Variants in PLCB1 observed in about 807,000 individuals in gnomAD.
The protein encoded by PLCB1 is phospholipase C beta 1.
Under a neutral mutation model 161.8 loss-of-function variants are expected in PLCB1, and 46 were observed. The ratio of observed to expected loss-of-function variants is 0.28; its 90% CI spans 0.22 to 0.36. The LOEUF (loss-of-function observed/expected upper bound fraction) is 0.36, where lower values mean the gene tolerates loss of function less well. PLCB1 is among the 10% of genes least tolerant of loss of function. The probability of loss-of-function intolerance (pLI) is 1.00; values close to 1 mark genes in which losing one functional copy is unlikely to be tolerated. For missense variants in PLCB1, 1,016 were observed against 1,472.5 expected (o/e 0.69, Z 5.07); for synonymous variants, 517 against 503.7 (o/e 1.03, Z -0.35).
chr20:8,190,736 A>G (rs2051961058), intron 2 of PLCB1, among the ~76,000 whole-genome samples: 1 of 152,138 alleles, frequency 6.6e-6, no homozygotes, highest in Non-Finnish European at 1.5e-5. Flanking sequence ...GTGGGTCACC[A>G]GGGAACCATT....
At chr20:8,338,376 T>C (rs1433338695) in intron 2 of PLCB1, among the ~76,000 whole-genome samples, 2 of 152,144 alleles carry the variant, frequency 1.3e-5, no homozygotes, top group Admixed American at 6.5e-5. Context: ...GGAATGTCTT[T>C]TCATCGATAC....
At chr20:8,150,561 T>C (rs1053869650) in intron 2 of PLCB1, among the ~76,000 whole-genome samples, 190 bp downstream of exon 2, 8 of 152,186 alleles carry the variant, frequency 5.3e-5, no homozygotes, top group Non-Finnish European at 1.0e-4. Context: ...GTTTGAAATA[T>C]TAGATTTGCT....
intron 3 of PLCB1, among the ~76,000 whole-genome samples, chr20:8,501,861 TCG>T (rs1475674113): frequency 2.5e-4 from 31 of 126,480 alleles, no homozygotes; most frequent in Non-Finnish European, 3.2e-4. Context: ...AAAAGATATA[TCG>T]CATATATATA....
chr20:8,448,206 G>A (rs540031928), intron 3 of PLCB1, among the ~76,000 whole-genome samples: 1 of 152,306 alleles, frequency 6.6e-6, no homozygotes, highest in Admixed American at 6.5e-5. Context: ...TGAAAAATGT[G>A]TTGAGCAGGA....
At chr20:8,544,968 A>G (rs762899626) in intron 3 of PLCB1, among the ~76,000 whole-genome samples, 1 of 152,188 alleles carries the variant, frequency 6.6e-6, no homozygotes, top group Non-Finnish European at 1.5e-5. Context: ...AGCATCTGCT[A>G]CTGAGTGAAG....
chr20:8,232,167 C>T (rs926001881), intron 2 of PLCB1, among the ~76,000 whole-genome samples: 2 of 151,470 alleles, frequency 1.3e-5, no homozygotes, highest in South Asian at 2.1e-4. Context: ...TCATGGTGCC[C>T]GTGAAAAGCT....
At chr20:8,374,674 C>T (rs1987017504) in intron 3 of PLCB1, among the ~76,000 whole-genome samples, 1 of 152,064 alleles carries the variant, frequency 6.6e-6, no homozygotes. Context: ...AAAGCAGCAA[C>T]AGGACTTAGA....
At chr20:8,825,057 C>G (rs896092649) in intron 31 of PLCB1, among the ~76,000 whole-genome samples, 6 of 152,166 alleles carry the variant, frequency 3.9e-5, no homozygotes, top group African/African-American at 1.4e-4. Context: ...CTACACTATC[C>G]CCAGGTCCTC....
chr20:8,134,066 TGCTGTAG>T (rs1568564710), intron 1 of PLCB1, among the ~76,000 whole-genome samples: 1 of 152,242 alleles, frequency 6.6e-6, no homozygotes, highest in Non-Finnish European at 1.5e-5. Context: ...AATTATTAAA[TGCTGTAG>T]GCAAGGATGT....
chr20:8,813,342 AAG>A (rs1475809024), intron 31 of PLCB1, among the ~76,000 whole-genome samples: 1 of 152,196 alleles, frequency 6.6e-6, no homozygotes. Context: ...TCATGGCTGA[AAG>A]AGAGACTCAA....
chr20:8,865,925 C>A (rs1416855168), intron 31 of PLCB1, among the ~76,000 whole-genome samples: 3 of 152,260 alleles, frequency 2.0e-5, no homozygotes, highest in South Asian at 2.1e-4. Context: ...ATACTGGAAT[C>A]CAAACCTGCT....
intron 3 of PLCB1, among the ~76,000 whole-genome samples, chr20:8,479,727 G>T (rs1477674197): frequency 6.6e-6 from 1 of 152,232 alleles, no homozygotes; most frequent in African/African-American, 2.4e-5. Flanking sequence ...CTAGTCAAAT[G>T]TTAGTGGATG....
intron 3 of PLCB1, among the ~76,000 whole-genome samples, chr20:8,569,010 G>A (rs1986425198): frequency 6.6e-6 from 1 of 152,178 alleles, no homozygotes. Flanking sequence ...CCACATGAGG[G>A]GCAAGGGAGC....
chr20:8,853,796 C>A (rs1240734034), intron 31 of PLCB1, among the ~76,000 whole-genome samples: 1 of 152,150 alleles, frequency 6.6e-6, no homozygotes, highest in Non-Finnish European at 1.5e-5. Context: ...CAGAATAAGA[C>A]GCTTTCTTCT....
intron 31 of PLCB1, among the ~76,000 whole-genome samples, chr20:8,833,412 C>A (rs1453266455): frequency 6.6e-6 from 1 of 152,190 alleles, no homozygotes; most frequent in Admixed American, 6.5e-5. Flanking sequence ...CAGTTACCTC[C>A]CACTGGGTCC....
intron 2 of PLCB1, among the ~76,000 whole-genome samples, chr20:8,261,494 C>T (rs1245837133): frequency 6.6e-6 from 1 of 152,108 alleles, no homozygotes. Context: ...TATAAGATTC[C>T]AGCTTTGCGG....
At chr20:8,749,323 C>T (rs1246543086) in intron 23 of PLCB1, among the ~76,000 whole-genome samples, 1 of 152,138 alleles carries the variant, frequency 6.6e-6, no homozygotes, top group African/African-American at 2.4e-5. Context: ...GAGTGTGGCT[C>T]TCCCCAGATG....
chr20:8,242,911 T>G (rs574509092), intron 2 of PLCB1, among the ~76,000 whole-genome samples: 1 of 152,066 alleles, frequency 6.6e-6, no homozygotes, highest in African/African-American at 2.4e-5. Context: ...AAATGGGGTG[T>G]GCAGAGTGAA....
chr20:8,681,086 G>GTGTGTATATATA (rs1394518085), intron 9 of PLCB1, among the ~76,000 whole-genome samples: 3 of 73,840 alleles, frequency 4.1e-5, no homozygotes, highest in Admixed American at 1.6e-4. Context: ...ATGTGTGTGT[G>GTGTGTATATATA]TATATATATA....
Sources: gnomAD v4.1 joint callset for allele counts (sites outside exome capture counted in the v4.1 genomes callset) on GRCh38, gnomAD v4.1.1 for gene constraint, MANE v1.5 for transcripts, NCBI Gene and HGNC (gene_info 2026-07-23, HGNC 2026-07-21) for gene names.